Variants in ADCY5 observed in about 807,000 individuals in gnomAD.
ADCY5 encodes adenylate cyclase type 5.
Under a neutral mutation model 119.7 loss-of-function variants are expected in ADCY5, and 30 were observed. That is an observed-to-expected ratio of 0.25 (90% confidence interval 0.19 to 0.34). ADCY5 has a LOEUF of 0.34. ADCY5 is among the 10% of genes least tolerant of loss of function. The probability of loss-of-function intolerance (pLI) is 1.00; values close to 1 mark genes in which losing one functional copy is unlikely to be tolerated. For synonymous variants in ADCY5, 753 were observed against 762.2 expected, an observed-to-expected ratio of 0.99 and a Z score of 0.20; for missense variants, 1,324 against 1,775.2, an observed-to-expected ratio of 0.75 and a Z score of 4.57.
intron 1 of ADCY5, among the ~76,000 whole-genome samples, chr3:123,398,466 T>C (rs777088771): frequency 1.3e-5 from 2 of 151,968 alleles, no homozygotes; most frequent in African/African-American, 2.4e-5. Flanking sequence ...TGACCATTTA[T>C]GATCACTGCA....
At chr3:123,368,017 C>T in intron 1 of ADCY5, 1 of 1,490,648 alleles carries the variant, frequency 6.7e-7, no homozygotes, top group Non-Finnish European at 8.9e-7. Context: ...ATGGGCACCT[C>T]AGCAGGGATC....
chr3:123,286,720 G>A lies in ADCY5; in HGVS notation c.3622C>T (p.Arg1208Cys), dbSNP rs750439767. The A allele has an allele frequency of 3.1e-6, 5 of 1,613,386 alleles. No homozygotes were observed. The highest frequency in any genetic ancestry group is 2.5e-6 in the Non-Finnish European group (3 of 1,179,748). ...TCGGGTACACCGGTGCTGTCCATGC[G>A]GCTGGCCACGTTCACGGTATTGCCC... ...IWGNTVNVAS[R>C]MDSTGVPDRI... is the part of the protein sequence containing the mutation. The change falls in exon 20 of 21, where the codon CGC becomes TGC. Residue 1208 changes from arginine to cysteine, a missense_variant. Transcript: ENST00000462833. This position sits in a 1 kb window ranked among gnomAD's most constrained non-coding sequence, Gnocchi z 4.2.
chr3:123,413,995 A>G (rs528885682), intron 1 of ADCY5, among the ~76,000 whole-genome samples: 2 of 152,278 alleles, frequency 1.3e-5, no homozygotes, highest in Admixed American at 1.3e-4. Flanking sequence ...GATGACTGTG[A>G]AGTTCCCTGC....
intron 1 of ADCY5, among the ~76,000 whole-genome samples, chr3:123,397,955 G>GA: frequency 6.6e-6 from 1 of 152,170 alleles, no homozygotes; most frequent in East Asian, 1.9e-4. Context: ...ACCAAGAGAA[G>GA]AGCAAGAAGG....
intron 1 of ADCY5, among the ~76,000 whole-genome samples, chr3:123,371,081 A>G (rs6438790): frequency 0.97 from 147,419 of 152,256 alleles, 71,565 homozygotes; most frequent in East Asian, 1. Context: ...CACAGTGGCC[A>G]GACTCTGCAC....
intron 3 of ADCY5, among the ~76,000 whole-genome samples, chr3:123,345,100 G>A (rs1942466765): frequency 6.6e-6 from 1 of 152,246 alleles, no homozygotes; most frequent in Admixed American, 6.5e-5. Flanking sequence ...TGCCTCCATG[G>A]GAGAGAGACA....
intron 1 of ADCY5, among the ~76,000 whole-genome samples, chr3:123,359,334 ATATATAT>A (rs1943157904): frequency 7.1e-5 from 1 of 14,118 alleles, no homozygotes; most frequent in Non-Finnish European, 2.2e-4. Flanking sequence ...ATACTAAAAT[ATATATAT>A]ATATATATAT....
chr3:123,428,708 C>A (rs1339143711), intron 1 of ADCY5, among the ~76,000 whole-genome samples: 1 of 152,212 alleles, frequency 6.6e-6, no homozygotes, highest in Admixed American at 6.5e-5. Flanking sequence ...GGGAAGAGCA[C>A]TGGATGGTAG....
intron 1 of ADCY5, among the ~76,000 whole-genome samples, chr3:123,395,600 C>G (rs987191828): frequency 3.0e-4 from 45 of 152,212 alleles, no homozygotes; most frequent in African/African-American, 1.1e-3. Context: ...GTCAGCCAGG[C>G]ATGGTGGCTC....
rs578094228 is a variant in ADCY5, at chr3:123,447,956, G to A, written c.590C>T (p.Ala197Val). 1.3e-6 allele frequency: 2 copies of A among 1,509,322 alleles called. No homozygotes were observed. The highest frequency in any genetic ancestry group is 1.4e-5 in the African/African-American group (1 of 70,832). 93.5% of individuals were successfully genotyped at this position (1,509,322 alleles called of 1,614,324 possible). ...CAGGGACAGCACCGCGCCGGGCCCC[G>A]CGCCCGAGCCCGAGTCCGCCGAGCT... ...GGSSADSGSGAGPGAVLSLGA... is the reference protein window; with the variant it reads ...GGSSADSGSGVGPGAVLSLGA... Residue 197 changes from alanine (A) to valine (V), a missense_variant, in exon 1 of 21, where the codon GCG becomes GTG. By Grantham distance (64) the Ala-to-Val change is moderately conservative. This residue lies in a region of ADCY5 where 585 missense variants were observed against 569.9 expected (regional missense o/e 1.03). Coordinates refer to ENST00000462833, the MANE Select transcript of ADCY5 (RefSeq NM_183357.3).
Position 123,447,696 on chromosome 3 carries a change from T to C in ADCY5, c.850A>G (p.Met284Val). The part of the protein sequence containing the change: ...LAAAVGVILI[M>V]AVLCNRAAFH... ...GCGGCGCGGTTGCAAAGCACAGCCA[T>C]GATGAGGATCACGCCGACGGCGGCC... The change falls in exon 1 of 21, where the codon ATG becomes GTG. Residue 284 changes from methionine to valine, a missense_variant. By Grantham distance (21) the Met-to-Val change is conservative. This residue lies in a region of ADCY5 where 585 missense variants were observed against 569.9 expected (regional missense o/e 1.03). Transcript: ENST00000462833. 1 of 1,604,374 alleles carries C rather than the reference T, an allele frequency of 6.2e-7. No homozygotes were observed. The highest frequency in any genetic ancestry group is 8.5e-7 in the Non-Finnish European group (1 of 1,174,368).
intron 11 of ADCY5, among the ~76,000 whole-genome samples, chr3:123,316,690 A>C (rs2108327923): frequency 6.6e-6 from 1 of 152,358 alleles, no homozygotes; most frequent in South Asian, 2.1e-4. Flanking sequence ...GCTACAAATA[A>C]ACTAAAAGTA....
chr3:123,440,482 C>T (rs1945704478), intron 1 of ADCY5, among the ~76,000 whole-genome samples: 1 of 151,470 alleles, frequency 6.6e-6, no homozygotes, highest in Admixed American at 6.6e-5. Context: ...CTCTTGTGAC[C>T]ATATCTCATT....
chr3:123,301,818 G>C (rs896504767), intron 14 of ADCY5, among the ~76,000 whole-genome samples: 3 of 152,228 alleles, frequency 2.0e-5, no homozygotes, highest in Non-Finnish European at 4.4e-5. Context: ...GATATGAGAG[G>C]CAGCAGAGGC....
chr3:123,348,714 G>A (rs1226530256), intron 2 of ADCY5, among the ~76,000 whole-genome samples: 2 of 152,132 alleles, frequency 1.3e-5, no homozygotes, highest in South Asian at 2.1e-4. Flanking sequence ...AGCCTGTTAC[G>A]GAGTCTGGAC....
intron 1 of ADCY5, among the ~76,000 whole-genome samples, chr3:123,430,219 CCAGAAGA>C (rs1342166697): frequency 6.6e-6 from 1 of 152,172 alleles, no homozygotes; most frequent in African/African-American, 2.4e-5. Flanking sequence ...AGGGTGATTT[CCAGAAGA>C]CACAGAGGGA....
At chr3:123,433,520 T>G (rs1945557631) in intron 1 of ADCY5, among the ~76,000 whole-genome samples, 2 of 152,236 alleles carry the variant, frequency 1.3e-5, no homozygotes. Flanking sequence ...TTCATTTTCC[T>G]TTAGTTTTCT....
intron 11 of ADCY5, among the ~76,000 whole-genome samples, chr3:123,315,376 G>A: frequency 6.6e-6 from 1 of 152,186 alleles, no homozygotes; most frequent in South Asian, 2.1e-4. Context: ...TCCTAGAGAG[G>A]AGGTGGCTAG....
At chr3:123,407,106 G>T (rs1411201682) in intron 1 of ADCY5, among the ~76,000 whole-genome samples, 1 of 151,982 alleles carries the variant, frequency 6.6e-6, no homozygotes, top group African/African-American at 2.4e-5. Flanking sequence ...CCCCTCAGCT[G>T]CCCCTCCTGG....
Sources: gnomAD v4.1 joint callset for allele counts (sites outside exome capture counted in the v4.1 genomes callset) on GRCh38, gnomAD v4.1.1 for gene constraint, gnomAD v4.1.1 regional missense constraint, Gnocchi (gnomAD v3.1) non-coding constraint, MANE v1.5 for transcripts, NCBI Gene and HGNC (gene_info 2026-07-23, HGNC 2026-07-21) for gene names.